Variants in GON4L observed in about 807,000 individuals in gnomAD.
GON4L encodes gon-4 like.
In GON4L, 87 loss-of-function variants were observed where a neutral mutation model predicts 211.8. The ratio of observed to expected loss-of-function variants is 0.41; its 90% CI spans 0.35 to 0.49. The LOEUF is 0.49. Ranked by LOEUF, GON4L falls within the 20% of genes least tolerant of loss-of-function variation. The probability of loss-of-function intolerance (pLI) is 0.15; values close to 1 mark genes in which losing one functional copy is unlikely to be tolerated. For missense variants in GON4L, 2,155 were observed against 2,659.5 expected, an observed-to-expected ratio of 0.81 and a Z score of 4.17; for synonymous variants, 875 against 962.6, an observed-to-expected ratio of 0.91 and a Z score of 1.68.
At chr1:155,753,173 A>G in intron 29 of GON4L, 31 bp downstream of exon 29, 1 of 1,514,292 alleles carries the variant, frequency 6.6e-7, no homozygotes, top group Non-Finnish European at 9.1e-7. Context: ...GAGACTGAGG[A>G]ACAGAAGGGC....
intron 11 of GON4L, among the ~76,000 whole-genome samples, chr1:155,800,697 C>CA (rs1163362794): frequency 6.6e-6 from 1 of 151,606 alleles, no homozygotes. Flanking sequence ...ACTAAAAACA[C>CA]AAAAATTAGC....
intron 27 of GON4L, among the ~76,000 whole-genome samples, chr1:155,755,949 A>C (rs1661130300): frequency 6.6e-6 from 1 of 151,876 alleles, no homozygotes; most frequent in Non-Finnish European, 1.5e-5. Context: ...CAGAAAAGAG[A>C]AAAAACGCTT....
intron 16 of GON4L, 118 bp from the exon 17 acceptor site, chr1:155,775,291 C>A (rs2686260): frequency 1.3e-5 from 17 of 1,324,866 alleles, no homozygotes; most frequent in Admixed American, 7.4e-5. Flanking sequence ...AGGTAAAAAT[C>A]ATCATAAAGT....
chr1:155,841,553 A>AT (rs1230231928), intron 2 of GON4L, among the ~76,000 whole-genome samples: 2 of 152,208 alleles, frequency 1.3e-5, no homozygotes, highest in African/African-American at 4.8e-5. Context: ...GTTTTAAGAG[A>AT]TAATAATGAG....
At chr1:155,776,219 C>G (rs1663804510) in intron 16 of GON4L, among the ~76,000 whole-genome samples, 176 bp downstream of exon 16, 1 of 152,140 alleles carries the variant, frequency 6.6e-6, no homozygotes, top group Non-Finnish European at 1.5e-5. Context: ...TCATGGGAAT[C>G]AGTGGCTTAC....
intron 12 of GON4L, among the ~76,000 whole-genome samples, chr1:155,788,983 G>A (rs952915090): frequency 4.6e-5 from 7 of 151,794 alleles, no homozygotes; most frequent in Non-Finnish European, 7.4e-5. Context: ...CCAGCTACTC[G>A]GGAGTCTGAG....
chr1:155,766,214 C>T lies in GON4L; in HGVS notation c.3259G>A (p.Glu1087Lys). ...PEARTSFPLSESQTLLSSAPV... is the reference protein window; with the variant it reads ...PEARTSFPLSKSQTLLSSAPV... ...GCAGAAGAGAGCAAAGTCTGGGACT[C>T]AGACAGAGGGAAGCTTGTCCTGGCC... Residue 1087 changes from glutamate (E) to lysine (K), a missense_variant, in exon 21 of 32, where the codon GAG (glutamate) becomes AAG (lysine). Around this residue, in one of 6 missense-constraint regions of GON4L, gnomAD observed 615 missense variants for 625.7 expected, o/e 0.98. Coordinates refer to ENST00000368331, the MANE Select transcript of GON4L (RefSeq NM_001282860.2). 6.2e-7 allele frequency: 1 copy of T among 1,614,134 alleles called. No individual in the cohort carries two copies. Among genetic ancestry groups the T allele is most frequent in the South Asian group, 1.1e-5 (1 of 91,086 alleles).
chr1:155,796,028 C>T (rs572617833), intron 11 of GON4L, among the ~76,000 whole-genome samples: 74 of 152,190 alleles, frequency 4.9e-4, no homozygotes, highest in Middle Eastern at 3.4e-3. Context: ...ATCCAAAATA[C>T]TTCCGGTCCT....
chr1:155,765,867 A>C lies in GON4L; in HGVS notation c.3606T>G (p.Ser1202=), dbSNP rs200589974. The C allele has an allele frequency of 1.4e-4, 223 of 1,614,096 alleles. No homozygotes were observed. Among genetic ancestry groups the C allele is most frequent in the Admixed American group, 2.5e-4 (15 of 60,004 alleles). The change falls in exon 21 of 32, where the codon TCT becomes TCG. Residue 1202 remains serine (S), a synonymous_variant. Coordinates refer to ENST00000368331, the MANE Select transcript of GON4L (RefSeq NM_001282860.2). ...TGCCAGAAACAATTAAGGGTGAGACAGAGGAGGCCACAAGGGACTGGTTCA... is the reference window on the plus strand; with the variant it reads ...TGCCAGAAACAATTAAGGGTGAGACCGAGGAGGCCACAAGGGACTGGTTCA... ...CPLNQSLVAS[S]VSPLIVSGNS...
At chr1:155,812,794 T>G (rs1201326853) in intron 10 of GON4L, among the ~76,000 whole-genome samples, 2 of 152,092 alleles carry the variant, frequency 1.3e-5, no homozygotes, top group Non-Finnish European at 2.9e-5. Flanking sequence ...TGACCTCAAG[T>G]GATCCACCAA....
chr1:155,758,301 T>C (rs911115499), intron 24 of GON4L, among the ~76,000 whole-genome samples: 1 of 152,246 alleles, frequency 6.6e-6, no homozygotes. Context: ...GTTTTAAGGA[T>C]TGTGAAATCA....
intron 18 of GON4L, 85 bp downstream of exon 18, chr1:155,772,981 T>C: frequency 6.5e-7 from 1 of 1,538,722 alleles, no homozygotes. Context: ...ATTATACAAG[T>C]CTTACTTCCC....
intron 6 of GON4L, among the ~76,000 whole-genome samples, chr1:155,817,028 G>A (rs1266657125): frequency 6.6e-6 from 1 of 152,100 alleles, no homozygotes; most frequent in Admixed American, 6.6e-5. Context: ...ATCTTGCCCT[G>A]TTGCCTAGGC....
At position 155,815,882 on chromosome 1, in the gene GON4L, T is replaced by TC. The variant is rs777812082; in HGVS notation, c.1083_1084insG (p.Ile362AspfsTer4). On this transcript the variant is annotated frameshift_variant, in exon 8 of 32. Coordinates refer to ENST00000368331, the MANE Select transcript of GON4L (RefSeq NM_001282860.2). LOFTEE classifies it high-confidence loss of function. The stretch of plus-strand genomic sequence containing the variant: ...GAGGAATCATCTTCTTCAAGGTGGA[T>TC]ATCCACAAACTGAGGAGGCTACATT... 6.3e-7 allele frequency: 1 copy of TC among 1,595,738 alleles called. No homozygotes were observed.
At chr1:155,745,861 G>A (rs756218930), downstream of GON4L, 4 of 873,592 alleles carry the variant, frequency 4.6e-6, no homozygotes, top group Admixed American at 2.5e-5. Flanking sequence ...TGCTCACACT[G>A]CAGTTGGGAC....
At position 155,751,951 on chromosome 1, in the gene GON4L, C is replaced by G; in HGVS notation, c.6473+9G>C. The G allele has an allele frequency of 1.9e-6, 3 of 1,612,202 alleles. No homozygotes were observed. Among genetic ancestry groups the G allele is most frequent in the Non-Finnish European group, 1.7e-6 (2 of 1,178,400 alleles). Reference sequence around the variant, plus strand: ...CTTTTCCAAACACACGTCATCCACCCTTACCTACCTTGTCCACAGGACAAC... The same window carrying G: ...CTTTTCCAAACACACGTCATCCACCGTTACCTACCTTGTCCACAGGACAAC... On this transcript the variant is annotated intron_variant, in intron 30 of 31. Transcript: ENST00000368331.
In GON4L at chr1:155,752,493, A is replaced by C. The variant is rs2101614257; in HGVS notation, c.5940T>G (p.Thr1980=). ...CTCCAGTTGTGGGGGGAAATTGAGG[A>C]GTCTCTGGTGAATGAGGTGGTGGGC... ...LDGPPPHSPE[T]PQFPPTTGAV... is the part of the protein sequence containing the mutation. The change falls in exon 30 of 32, where the codon ACT becomes ACG. Residue 1980 remains threonine, a synonymous_variant. Coordinates refer to ENST00000368331, the MANE Select transcript of GON4L (RefSeq NM_001282860.2). 4 of 1,586,120 alleles carry C rather than the reference A, an allele frequency of 2.5e-6. No homozygotes were observed. In the South Asian group the frequency reaches 4.6e-5, roughly 18 times the overall value.
Position 155,784,046 on chromosome 1 carries a change from G to A in GON4L, c.1832C>T (p.Pro611Leu). The A allele has an allele frequency of 6.2e-7, 1 of 1,614,018 alleles. No homozygotes were observed. Among genetic ancestry groups the A allele is most frequent in the Non-Finnish European group, 8.5e-7 (1 of 1,179,954 alleles). Reference sequence around the variant, plus strand: ...CTCAGCTACACACTCCTCCTCTTCTGGGCCATCATCTTCCATGTTGGAGAA... The same window carrying A: ...CTCAGCTACACACTCCTCCTCTTCTAGGCCATCATCTTCCATGTTGGAGAA... ...MGFSNMEDDG[P>L]EEEECVAEPR... The change falls in exon 14 of 32, where the codon CCA (proline) becomes CTA (leucine). Residue 611 changes from proline (P) to leucine (L), a missense_variant. Pro to Leu is a moderately conservative substitution (Grantham distance 98). Around this residue, in one of 6 missense-constraint regions of GON4L, gnomAD observed 551 missense variants for 854.0 expected, o/e 0.65. Coordinates refer to ENST00000368331, the MANE Select transcript of GON4L (RefSeq NM_001282860.2).
At chr1:155,768,834 G>A (rs1662850904) in intron 19 of GON4L, among the ~76,000 whole-genome samples, 1 of 152,208 alleles carries the variant, frequency 6.6e-6, no homozygotes. Flanking sequence ...GAAAATTCAT[G>A]ATAATATGGC....
Sources: allele counts gnomAD v4.1 joint callset (sites outside exome capture counted in the v4.1 genomes callset), GRCh38; gene constraint gnomAD v4.1.1; regional missense constraint gnomAD v4.1.1; transcripts MANE v1.5; gene names NCBI Gene and HGNC (gene_info 2026-07-23, HGNC 2026-07-21).